BRPF3: variants seen among roughly 807,000 people sequenced by gnomAD.
BRPF3 encodes the protein bromodomain and PHD finger-containing protein 3.
Under a neutral mutation model 102.0 loss-of-function variants are expected in BRPF3, and 18 were observed. That is an observed-to-expected ratio of 0.18 (90% CI 0.12 to 0.26). The LOEUF (loss-of-function observed/expected upper bound fraction) is 0.26, where lower values mean the gene tolerates loss of function less well. Among genes scored for constraint, BRPF3 ranks in the 10% least tolerant of loss-of-function variants. The pLI, the probability that BRPF3 is intolerant of heterozygous loss-of-function variation, is 1.00. For missense variants in BRPF3, 1,147 were observed against 1,567.8 expected (o/e 0.73, Z 4.53); for synonymous variants, 570 against 614.2 (o/e 0.93, Z 1.06).
Position 36,214,238 on chromosome 6 carries a change from C to G in BRPF3, c.2841C>G (p.Val947=), listed in dbSNP as rs201993661. 4.2e-4 allele frequency: 675 copies of G among 1,614,202 alleles called. 2 individuals are homozygous for G. Among genetic ancestry groups the G allele is most frequent in the Non-Finnish European group, 1.2e-4 (141 of 1,180,032 alleles). The change falls in exon 8 of 13, where the codon GTC becomes GTG. Residue 947 remains valine (V), a synonymous_variant. Transcript: ENST00000357641. ...AGCTACAGAGAAGCCCAGACAGGGTCCTGGAGAATGGCGAGGACCATGGTG... is the reference window on the plus strand; with the variant it reads ...AGCTACAGAGAAGCCCAGACAGGGTGCTGGAGAATGGCGAGGACCATGGTG... ...GVKLQRSPDR[V]LENGEDHGVA...
In BRPF3 at chr6:36,200,744, T is replaced by C; in HGVS notation, c.422T>C (p.Ile141Thr). The C allele has an allele frequency of 6.2e-7, 1 of 1,614,128 alleles. No homozygotes were observed. Among genetic ancestry groups the C allele is most frequent in the East Asian group, 2.2e-5 (1 of 44,880 alleles). ...PPLPAAYYRY[I>T]EKPPEDLDAE... ...CTGCCTGCTGCCTACTACCGCTACA[T>C]TGAGAAGCCACCTGAAGACCTGGAT... Residue 141 changes from isoleucine (I) to threonine (T), a missense_variant, in exon 2 of 13, where the codon ATT (isoleucine) becomes ACT (threonine). Ile to Thr is a moderately conservative substitution (Grantham distance 89). This residue lies in a region of BRPF3 where 221 missense variants were observed against 337.1 expected (regional missense o/e 0.66). Transcript: ENST00000357641. The surrounding 1 kb of genome is among the most constrained non-coding windows in gnomAD (Gnocchi z 5.3).
At chr6:36,217,405 C>T (rs776056909) in intron 8 of BRPF3, among the ~76,000 whole-genome samples, 3 of 152,194 alleles carry the variant, frequency 2.0e-5, no homozygotes, top group East Asian at 1.9e-4. Context: ...GGGCCCTTAT[C>T]CATCTCTAGT....
At position 36,222,171 on chromosome 6, in the gene BRPF3, T is replaced by C. The variant is rs1394205527; in HGVS notation, c.3087T>C (p.Gly1029=). The C allele has an allele frequency of 2.6e-6, 4 of 1,550,220 alleles. No individual in the cohort carries two copies. In the East Asian group the frequency reaches 9.8e-5, roughly 38 times the overall value. ...TCTCTCCCTGCTCTGTGTGCAGTGGTCTGACGCCCCCCAAACGCAGCCGTG... is the reference window on the plus strand; with the variant it reads ...TCTCTCCCTGCTCTGTGTGCAGTGGCCTGACGCCCCCCAAACGCAGCCGTG... ...SGGLAFEACS[G]LTPPKRSRGK... is the part of the protein sequence containing the mutation. Residue 1029 remains glycine (G), a synonymous_variant, in exon 10 of 13, where the codon GGT becomes GGC. Transcript: ENST00000357641.
At chr6:36,225,809 T>C (rs1006142735) in intron 11 of BRPF3, among the ~76,000 whole-genome samples, 9 of 152,316 alleles carry the variant, frequency 5.9e-5, no homozygotes, top group African/African-American at 2.2e-4. Context: ...AGCCCAGGGC[T>C]TAAAATGTGT....
intron 9 of BRPF3, among the ~76,000 whole-genome samples, chr6:36,221,236 T>C (rs768864119): frequency 2.6e-5 from 4 of 151,896 alleles, no homozygotes; most frequent in Non-Finnish European, 5.9e-5. Context: ...TTGTGTAATA[T>C]ACATTTTGCC....
Position 36,210,398 on chromosome 6 carries a change from G to A in BRPF3, c.2049G>A (p.Arg683=), listed in dbSNP as rs1333591525. The A allele has an allele frequency of 4.3e-6, 7 of 1,614,038 alleles. No homozygotes were observed. Among genetic ancestry groups the A allele is most frequent in the Non-Finnish European group, 5.9e-6 (7 of 1,180,050 alleles). ...TIFHRAAVRL[R]DLGGAILRHA... is the part of the protein sequence containing the mutation. ...TCCACCGAGCAGCTGTCCGCCTGCGGGACCTGGGAGGGGCCATCCTACGGC... is the reference window on the plus strand; with the variant it reads ...TCCACCGAGCAGCTGTCCGCCTGCGAGACCTGGGAGGGGCCATCCTACGGC... Residue 683 remains arginine (R), a synonymous_variant, in exon 6 of 13, where the codon CGG becomes CGA. Coordinates refer to ENST00000357641, the MANE Select transcript of BRPF3 (RefSeq NM_015695.3). The surrounding 1 kb of genome is among the most constrained non-coding windows in gnomAD (Gnocchi z 4.7).
Position 36,217,919 on chromosome 6 carries a change from A to G in BRPF3, c.2992A>G (p.Met998Val). 2 of 1,613,282 alleles carry G rather than the reference A, an allele frequency of 1.2e-6. No homozygotes were observed. Among genetic ancestry groups the G allele is most frequent in the South Asian group, 1.1e-5 (1 of 90,962 alleles). Residue 998 changes from methionine (M) to valine (V), a missense_variant and splice_region_variant, in exon 9 of 13, where the codon ATG (methionine) becomes GTG (valine). Coordinates refer to ENST00000357641, the MANE Select transcript of BRPF3 (RefSeq NM_015695.3). The stretch of plus-strand genomic sequence containing the variant: ...CTCACTGTGTGTGTCCTTGGCAGGC[A>G]TGACCAACGGCTTTGGAAAACACAC... ...RSPQQEEETG[M>V]TNGFGKHTES...
At chr6:36,204,551 C>A (rs764727344) in intron 2 of BRPF3, 107 bp from the exon 3 acceptor site, 3 of 1,342,934 alleles carry the variant, frequency 2.2e-6, no homozygotes, top group Non-Finnish European at 3.2e-6. Flanking sequence ...TTTATTCTGT[C>A]TTCCTGTATA....
chr6:36,203,794 A>G (rs966573088), intron 2 of BRPF3, among the ~76,000 whole-genome samples: 3 of 152,238 alleles, frequency 2.0e-5, no homozygotes, highest in Admixed American at 1.3e-4. Context: ...ATGGTATAGC[A>G]GAGAGATCGT....
In BRPF3 at chr6:36,214,176, A is replaced by C; in HGVS notation, c.2779A>C (p.Thr927Pro). ...CCCACTTAGTGGTGTGGGTCGCCGC[A>C]CATCAGTCCTCTTCAAGAAGGCCAA... Reference protein sequence around the residue: ...GTPLSGVGRRTSVLFKKAKNG... With the variant: ...GTPLSGVGRRPSVLFKKAKNG... Residue 927 changes from threonine to proline, a missense_variant, in exon 8 of 13, where the codon ACA becomes CCA. By Grantham distance (38) the Thr-to-Pro change is conservative. Transcript: ENST00000357641. 1 of 1,614,154 alleles carries C rather than the reference A, an allele frequency of 6.2e-7. No individual in the cohort carries two copies. Among genetic ancestry groups the C allele is most frequent in the Admixed American group, 1.7e-5 (1 of 60,026 alleles).
chr6:36,218,906 G>C (rs1768429564), intron 9 of BRPF3, among the ~76,000 whole-genome samples: 1 of 152,144 alleles, frequency 6.6e-6, no homozygotes, highest in Admixed American at 6.5e-5. Context: ...AGAGCTTATG[G>C]AGCCCCTGCT....
Position 36,200,595 on chromosome 6 carries a change from G to A in BRPF3, c.273G>A (p.Lys91=), listed in dbSNP as rs1194646205. The A allele has an allele frequency of 6.2e-7, 1 of 1,614,078 alleles. No individual in the cohort carries two copies. Among genetic ancestry groups the A allele is most frequent in the Non-Finnish European group, 8.5e-7 (1 of 1,180,036 alleles). ...AGCCTCAGTTCCCTGGCAAGTCCAAGAAACCCTCATCCAAGGGCAAAAAGA... is the reference window on the plus strand; with the variant it reads ...AGCCTCAGTTCCCTGGCAAGTCCAAAAAACCCTCATCCAAGGGCAAAAAGA... ...SEQPQFPGKS[K]KPSSKGKKKE... is the part of the protein sequence containing the mutation. Residue 91 remains lysine (K), a synonymous_variant, in exon 2 of 13, where the codon AAG becomes AAA. Transcript: ENST00000357641. The surrounding 1 kb of genome is among the most constrained non-coding windows in gnomAD (Gnocchi z 5.3).
chr6:36,228,590 A>C (rs535965198), intron 11 of BRPF3, among the ~76,000 whole-genome samples: 1 of 152,350 alleles, frequency 6.6e-6, no homozygotes, highest in South Asian at 2.1e-4. Context: ...AGACCTCGTT[A>C]GAACCAACTG....
Position 36,207,547 on chromosome 6 carries a change from T to A in BRPF3, c.1737+103T>A, listed in dbSNP as rs1767949168. The A allele has an allele frequency of 4.9e-6, 7 of 1,439,964 alleles. No individual in the cohort carries two copies. The Admixed American group carries it at 1.7e-4, about 36-fold the overall frequency. 89.2% of individuals were successfully genotyped at this position (1,439,964 alleles called of 1,614,324 possible). A position where few individuals can be genotyped will look rare whatever the true frequency, so the allele number is the denominator to read the frequency against. On this transcript the variant is annotated intron_variant, in intron 4 of 12. Coordinates refer to ENST00000357641, the MANE Select transcript of BRPF3 (RefSeq NM_015695.3). ...GGGAGCCCCTGCCTTATGCTAGGTT[T>A]CTTTCTCCCCTCCCTACCCAGGATT...
chr6:36,202,416 C>CA (rs1438804218), intron 2 of BRPF3, among the ~76,000 whole-genome samples: 3 of 139,284 alleles, frequency 2.2e-5, no homozygotes, highest in Non-Finnish European at 4.8e-5. Context: ...GTGGACCCCC[C>CA]CCCCCTCCGC....
rs1410764054 is a variant in BRPF3, at chr6:36,204,771, G to A, written c.1562G>A (p.Arg521Gln). ...RQARNGVPLIRRLHSHLQSQR... is the reference protein window; with the variant it reads ...RQARNGVPLIQRLHSHLQSQR... Reference sequence around the variant, plus strand: ...GCACGGAATGGTGTCCCTCTTATCCGGCGCTTGCACTCCCATCTGCAGTCC... The same window carrying A: ...GCACGGAATGGTGTCCCTCTTATCCAGCGCTTGCACTCCCATCTGCAGTCC... The change falls in exon 3 of 13, where the codon CGG (arginine) becomes CAG (glutamine). Residue 521 changes from arginine to glutamine, a missense_variant. By Grantham distance (43) the Arg-to-Gln change is conservative (BLOSUM62 1). Coordinates refer to ENST00000357641, the MANE Select transcript of BRPF3 (RefSeq NM_015695.3). 8 of 1,614,074 alleles carry A rather than the reference G, an allele frequency of 5.0e-6. No individual in the cohort carries two copies. The highest frequency in any genetic ancestry group is 6.8e-6 in the Non-Finnish European group (8 of 1,180,052).
In BRPF3 at chr6:36,222,285, C is replaced by A. The variant is rs377725694; in HGVS notation, c.3181+20C>A. ...GCTCAGGTGAGGAGCAGTGTTCAGG[C>A]AGAACTGAGGGGGCCAGGCCTTCTG... On this transcript the variant is annotated intron_variant, in intron 10 of 12. Coordinates refer to ENST00000357641, the MANE Select transcript of BRPF3 (RefSeq NM_015695.3). 6.7e-5 allele frequency: 104 copies of A among 1,547,194 alleles called. No homozygotes were observed. The highest frequency in any genetic ancestry group is 8.4e-5 in the Non-Finnish European group (96 of 1,144,910).
chr6:36,228,712 A>AG (rs1308773375), intron 11 of BRPF3, among the ~76,000 whole-genome samples, 190 bp from the exon 12 acceptor site: 2 of 152,178 alleles, frequency 1.3e-5, no homozygotes, highest in East Asian at 3.9e-4. Context: ...GGAAAAAAAA[A>AG]GTGACCTCTA....
intron 7 of BRPF3, among the ~76,000 whole-genome samples, chr6:36,212,683 G>A (rs1768169845): frequency 6.6e-6 from 1 of 152,144 alleles, no homozygotes; most frequent in Non-Finnish European, 1.5e-5. Context: ...GCCGGGCGCG[G>A]TGGCTCACGC....
Sources: gnomAD v4.1 joint callset for allele counts (sites outside exome capture counted in the v4.1 genomes callset) on GRCh38, gnomAD v4.1.1 for gene constraint, gnomAD v4.1.1 regional missense constraint, Gnocchi (gnomAD v3.1) non-coding constraint, MANE v1.5 for transcripts, NCBI Gene and HGNC (gene_info 2026-07-23, HGNC 2026-07-21) for gene names.